The following CFAP44 variants were observed in gnomAD, a reference collection of about 807,000 sequenced individuals.
CFAP44 encodes the protein cilia- and flagella-associated protein 44.
In CFAP44, 134 loss-of-function variants were observed where a neutral mutation model predicts 216.2. That is an observed-to-expected ratio of 0.62 (90% CI 0.54 to 0.72). CFAP44 has a LOEUF of 0.72. CFAP44 is among the 30% of genes least tolerant of loss of function. CFAP44 has a pLI of 0.00. For missense variants in CFAP44, 2,035 were observed against 2,182.1 expected (o/e 0.93, Z 1.34); for synonymous variants, 700 against 727.6 (o/e 0.96, Z 0.61).
rs961707774 is a variant in CFAP44 at position 113,291,480 on chromosome 3, T to G, written c.*77A>C. ...CGAGTTCAGTTTAAAGTAATAAGATTGTTGGAGGTGATGAGGAGACAGAAC... is the reference window on the plus strand; with the variant it reads ...CGAGTTCAGTTTAAAGTAATAAGATGGTTGGAGGTGATGAGGAGACAGAAC... On this transcript the variant is annotated 3_prime_UTR_variant, in exon 35 of 35. Transcript: ENST00000393845. The G allele has an allele frequency of 3.4e-6, 5 of 1,450,094 alleles. No individual in the cohort carries two copies. The highest frequency in any genetic ancestry group is 4.6e-6 in the Non-Finnish European group (5 of 1,084,520). 89.8% of individuals were successfully genotyped at this position (1,450,094 alleles called of 1,614,324 possible).
intron 23 of CFAP44, 119 bp from the exon 24 acceptor site, chr3:113,342,037 A>G (rs1950337816): frequency 8.9e-6 from 11 of 1,242,252 alleles, no homozygotes; most frequent in Non-Finnish European, 1.2e-5. Flanking sequence ...TTGTAAATCA[A>G]AGTATTTATT....
chr3:113,293,900 C>T, intron 34 of CFAP44: 1 of 431,010 alleles, frequency 2.3e-6, no homozygotes. Context: ...TGCTGGGCCC[C>T]TCCCCTCAGG....
At chr3:113,427,389 T>C (rs775430506) in intron 2 of CFAP44, 50 bp from the exon 3 acceptor site, 19 of 1,440,798 alleles carry the variant, frequency 1.3e-5, no homozygotes, top group Non-Finnish European at 1.7e-5. Flanking sequence ...AACATTTTCT[T>C]ATTTCTAAAG....
chr3:113,320,732 G>A (rs1271637948), intron 28 of CFAP44, among the ~76,000 whole-genome samples: 2 of 151,968 alleles, frequency 1.3e-5, no homozygotes, highest in African/African-American at 4.8e-5. Flanking sequence ...TTCAATGTTC[G>A]AGGGCAGGAA....
intron 21 of CFAP44, chr3:113,360,948 ATTTGT>A (rs1950534573): frequency 1.3e-5 from 3 of 239,804 alleles, no homozygotes; most frequent in Admixed American, 4.3e-5. Flanking sequence ...AGGCAGTTGA[ATTTGT>A]TTTATCTGTG....
At chr3:113,309,869 A>G (rs1576540787) in intron 28 of CFAP44, among the ~76,000 whole-genome samples, 1 of 152,142 alleles carries the variant, frequency 6.6e-6, no homozygotes, top group East Asian at 1.9e-4. Context: ...ACACCAACAG[A>G]TCTATAGACA....
rs1284829824 is a variant in CFAP44 at position 113,358,745 on chromosome 3, C to T, written c.3065G>A (p.Arg1022Gln). The T allele has an allele frequency of 7.2e-6, 11 of 1,536,314 alleles. No homozygotes were observed. The highest frequency in any genetic ancestry group is 2.0e-5 in the Admixed American group (1 of 50,972). Residue 1022 changes from arginine (R) to glutamine (Q), a missense_variant and splice_region_variant, in exon 22 of 35, where the codon CGA becomes CAA. Transcript: ENST00000393845. ...HELGLMKLKN[R>Q]FRDPLESDTI... Reference sequence around the variant, plus strand: ...AGCTTGTAGAGAATATGGATCCTACCGATTCTTTAGCTTCATTAGGCCGAG... The same window carrying T: ...AGCTTGTAGAGAATATGGATCCTACTGATTCTTTAGCTTCATTAGGCCGAG...
intron 19 of CFAP44, among the ~76,000 whole-genome samples, chr3:113,364,802 A>G (rs1463758113): frequency 6.6e-6 from 1 of 152,170 alleles, no homozygotes; most frequent in Non-Finnish European, 1.5e-5. Context: ...CAGAGATTCT[A>G]ATTTAATTGT....
At chr3:113,408,106 AC>A (rs1292128291) in intron 7 of CFAP44, among the ~76,000 whole-genome samples, 1 of 152,248 alleles carries the variant, frequency 6.6e-6, no homozygotes, top group African/African-American at 2.4e-5. Flanking sequence ...TAAATGAATA[AC>A]AAAAAGACCA....
At chr3:113,386,598 G>A (rs1188981615) in intron 15 of CFAP44, among the ~76,000 whole-genome samples, 1 of 152,146 alleles carries the variant, frequency 6.6e-6, no homozygotes. Flanking sequence ...GGGCAAGGTG[G>A]TTAGAGGCAG....
chr3:113,419,958 C>T (rs1007379280), intron 5 of CFAP44, 59 bp downstream of exon 5: 5 of 1,565,670 alleles, frequency 3.2e-6, no homozygotes, highest in East Asian at 2.2e-5. Flanking sequence ...GGCTGGTCCA[C>T]AGAACAAGCA....
chr3:113,319,199 T>C (rs1950118433), intron 28 of CFAP44, among the ~76,000 whole-genome samples: 1 of 152,176 alleles, frequency 6.6e-6, no homozygotes, highest in Admixed American at 6.5e-5. Context: ...CCATCTCAGA[T>C]ATAATTATAC....
intron 7 of CFAP44, among the ~76,000 whole-genome samples, chr3:113,408,638 G>T (rs557805435): frequency 6.6e-6 from 1 of 152,292 alleles, no homozygotes; most frequent in African/African-American, 2.4e-5. Flanking sequence ...GCTGAGGCGG[G>T]TGGATCACAT....
At chr3:113,429,442 G>A (rs569918733) in intron 2 of CFAP44, among the ~76,000 whole-genome samples, 10 of 152,030 alleles carry the variant, frequency 6.6e-5, no homozygotes, top group South Asian at 2.1e-4. Flanking sequence ...CACTCCAGCC[G>A]TGTTATGCTT....
chr3:113,338,079 A>T (rs1423708489), intron 24 of CFAP44, among the ~76,000 whole-genome samples: 1 of 151,816 alleles, frequency 6.6e-6, no homozygotes, highest in Non-Finnish European at 1.5e-5. Flanking sequence ...CCTGGCCAAC[A>T]TGATGAAACC....
In CFAP44 at chr3:113,427,011, C is replaced by A. The variant is rs1222196719; in HGVS notation, c.253+176G>T. 6 of 624,824 alleles carry A rather than the reference C, an allele frequency of 9.6e-6. No individual in the cohort carries two copies. In the East Asian group the frequency reaches 1.3e-4, roughly 13 times the overall value. The allele number at this position is 624,824 out of a possible 1,614,324, so 38.7% of individuals were successfully genotyped here. ...TCTATGTGATCCTCAGAAATAAAAA[C>A]CACAAGTCTAGGGCTGCTAAAGTAC... On this transcript the variant is annotated intron_variant, in intron 3 of 34. Coordinates refer to ENST00000393845, the MANE Select transcript of CFAP44 (RefSeq NM_001164496.2).
At chr3:113,367,622 G>C (rs527653435) in intron 18 of CFAP44, among the ~76,000 whole-genome samples, 6 of 152,262 alleles carry the variant, frequency 3.9e-5, no homozygotes, top group Admixed American at 1.3e-4. Flanking sequence ...CACAAAGATG[G>C]GGAGAAACCA....
At position 113,289,304 on chromosome 3, in the gene CFAP44, A is replaced by G. The variant is rs1318509217; in HGVS notation, c.*2253T>C. ...CTGAATATTGTAGAATTAACTAGTGATTTAGTCCAGCTCAGTTTGGGAATA... is the reference window on the plus strand; with the variant it reads ...CTGAATATTGTAGAATTAACTAGTGGTTTAGTCCAGCTCAGTTTGGGAATA... On this transcript the variant is annotated 3_prime_UTR_variant, in exon 35 of 35. Coordinates refer to ENST00000393845, the MANE Select transcript of CFAP44 (RefSeq NM_001164496.2). The G allele has an allele frequency of 3.3e-5, 5 of 152,216 alleles. No individual in the cohort carries two copies. Among genetic ancestry groups the G allele is most frequent in the Non-Finnish European group, 7.3e-5 (5 of 68,030 alleles). The allele number at this position is 152,216 out of a possible 1,614,324, so 9.4% of individuals were successfully genotyped here. A position where few individuals can be genotyped will look rare whatever the true frequency, so the allele number is the denominator to read the frequency against.
At chr3:113,411,858 A>G (rs1934485688) in intron 6 of CFAP44, among the ~76,000 whole-genome samples, 1 of 152,044 alleles carries the variant, frequency 6.6e-6, no homozygotes. Context: ...GGTCCTTCAC[A>G]TCCCTTGTAA....
Sources: allele counts gnomAD v4.1 joint callset (sites outside exome capture counted in the v4.1 genomes callset), GRCh38; gene constraint gnomAD v4.1.1; transcripts MANE v1.5; gene names NCBI Gene and HGNC (gene_info 2026-07-23, HGNC 2026-07-21).